GTF2IRD1: variants seen among roughly 807,000 people sequenced by gnomAD.
GTF2IRD1 encodes general transcription factor II-I repeat domain-containing protein 1.
GTF2IRD1 carries 26 observed loss-of-function variants against 113.2 expected under a neutral mutation model. The observed-to-expected ratio is 0.23, with a 90% CI of 0.17 to 0.32. GTF2IRD1 has a LOEUF of 0.32. Ranked by LOEUF, GTF2IRD1 falls within the 10% of genes least tolerant of loss-of-function variation. The pLI, the probability that GTF2IRD1 is intolerant of heterozygous loss-of-function variation, is 1.00. For missense variants in GTF2IRD1, 864 were observed against 1,280.8 expected (o/e 0.67, Z 4.97); for synonymous variants, 484 against 529.1 (o/e 0.91, Z 1.17).
intron 22 of GTF2IRD1, among the ~76,000 whole-genome samples, chr7:74,587,308 T>C (rs1262558126): frequency 2.0e-5 from 3 of 151,714 alleles, no homozygotes; most frequent in Non-Finnish European, 2.9e-5. Context: ...AACCGGACGT[T>C]GTGGCAGGCG....
intron 1 of GTF2IRD1, among the ~76,000 whole-genome samples, chr7:74,480,766 C>T (rs1027617181): frequency 1.4e-4 from 22 of 152,220 alleles, no homozygotes; most frequent in Non-Finnish European, 1.5e-5. Flanking sequence ...CCCTCCGTGC[C>T]CGCCCCGGGG....
chr7:74,542,551 C>G (rs587605464), intron 14 of GTF2IRD1, among the ~76,000 whole-genome samples: 1 of 152,296 alleles, frequency 6.6e-6, no homozygotes, highest in South Asian at 2.1e-4. Context: ...CAGTGTTAGG[C>G]AAAATGATTT....
At chr7:74,559,598 T>A (rs782352668) in intron 21 of GTF2IRD1, 29 bp from the exon 22 acceptor site, 4 of 1,578,074 alleles carry the variant, frequency 2.5e-6, no homozygotes, top group Non-Finnish European at 3.4e-6. Flanking sequence ...GCCCTCCCCA[T>A]GACACCCCTG....
intron 26 of GTF2IRD1, chr7:74,601,734 G>T (rs906948581): frequency 9.3e-6 from 2 of 215,798 alleles, no homozygotes; most frequent in South Asian, 1.8e-4. Flanking sequence ...ATGAGCCGAG[G>T]TCGCGCCATT....
chr7:74,544,605 T>C, intron 14 of GTF2IRD1, 150 bp from the exon 15 acceptor site: 1 of 659,484 alleles, frequency 1.5e-6, no homozygotes, highest in South Asian at 1.9e-5. Context: ...CTGTATGGAA[T>C]CGGGGTCCCT....
intron 26 of GTF2IRD1, 84 bp downstream of exon 26, chr7:74,601,264 T>C (rs1474532708): frequency 5.8e-6 from 9 of 1,550,824 alleles, no homozygotes; most frequent in Non-Finnish European, 5.2e-6. Context: ...CTCTGGGATG[T>C]GGGCCCAGGG....
rs150194330 is a variant in GTF2IRD1 at position 74,519,739 on chromosome 7, C to G, written c.916+20C>G. 2.0e-3 allele frequency: 3,120 copies of G among 1,525,498 alleles called. 64 individuals carry two copies. In the African/African-American group the frequency reaches 0.037, roughly 18 times the overall value. The allele number at this position is 1,525,498 out of a possible 1,614,324, so 94.5% of individuals were successfully genotyped here. A position where few individuals can be genotyped will look rare whatever the true frequency, so the allele number is the denominator to read the frequency against. The stretch of plus-strand genomic sequence containing the variant: ...GTTGTGGTAACATTGCTGCTGGGAT[C>G]TCCAAGTCTAGGGGGTGGGACAGAG... On this transcript the variant is annotated intron_variant, in intron 6 of 26. Coordinates refer to ENST00000424337, the MANE Select transcript of GTF2IRD1 (RefSeq NM_005685.4).
intron 1 of GTF2IRD1, among the ~76,000 whole-genome samples, chr7:74,474,059 A>G (rs1794259853): frequency 7.3e-6 from 1 of 136,246 alleles, no homozygotes; most frequent in African/African-American, 2.6e-5. Flanking sequence ...CCCCATCTCT[A>G]CTAAAAATAC....
At chr7:74,481,616 G>T (rs1554334658) in intron 1 of GTF2IRD1, among the ~76,000 whole-genome samples, 1 of 152,194 alleles carries the variant, frequency 6.6e-6, no homozygotes, top group African/African-American at 2.4e-5. Context: ...TGCATCCCGG[G>T]CTGCACTGTG....
chr7:74,582,595 G>T (rs1285025838), intron 22 of GTF2IRD1, among the ~76,000 whole-genome samples: 1 of 152,144 alleles, frequency 6.6e-6, no homozygotes, highest in Non-Finnish European at 1.5e-5. Context: ...AGATCCAGCA[G>T]GCCCAGAGTC....
At chr7:74,469,597 G>A (rs1456634459) in intron 1 of GTF2IRD1, among the ~76,000 whole-genome samples, 3 of 152,174 alleles carry the variant, frequency 2.0e-5, no homozygotes, top group Admixed American at 6.6e-5. Flanking sequence ...ACATTGTAGC[G>A]TGAGTCAATG....
At position 74,496,460 on chromosome 7, in the gene GTF2IRD1, T is replaced by C. The variant is rs553552252; in HGVS notation, c.-6-11615T>C. Among the ~76,000 whole-genome samples, 1,112 of 139,430 alleles carry C rather than the reference T, an allele frequency of 8.0e-3. 12 individuals are homozygous for C. Among genetic ancestry groups the C allele is most frequent in the Middle Eastern group, 0.031 (8 of 262 alleles). The allele number at this position is 139,430 out of a possible 152,430, so 91.5% of individuals were successfully genotyped here. The stretch of plus-strand genomic sequence containing the variant: ...GTATGCATTTGAGTGTGGGTGTGCA[T>C]GTGTGTTCATGTGGGTGTGCACGTA... On this transcript the variant is annotated intron_variant, in intron 1 of 26. Transcript: ENST00000424337.
At chr7:74,506,581 G>C (rs782276549) in intron 1 of GTF2IRD1, 1 of 152,216 alleles carries the variant, frequency 6.6e-6, no homozygotes, top group Non-Finnish European at 1.5e-5. Flanking sequence ...AGAGAGCACC[G>C]GGACTGAGCC....
At position 74,555,198 on chromosome 7, in the gene GTF2IRD1, C is replaced by G; in HGVS notation, c.1941C>G (p.Val647=). 1 of 1,613,674 alleles carries G rather than the reference C, an allele frequency of 6.2e-7. No homozygotes were observed. The highest frequency in any genetic ancestry group is 8.5e-7 in the Non-Finnish European group (1 of 1,179,930). ...GGCCCGAGCTGCTCACTGAGGGAGTCAAAGAGCCCATCATGGATAGTCAAG... is the reference window on the plus strand; with the variant it reads ...GGCCCGAGCTGCTCACTGAGGGAGTGAAAGAGCCCATCATGGATAGTCAAG... ...IKRPELLTEG[V]KEPIMDSQER... is the part of the protein sequence containing the mutation. Residue 647 remains valine, a synonymous_variant, in exon 18 of 27, where the codon GTC becomes GTG. Transcript: ENST00000424337. The surrounding 1 kb of genome is among the most constrained non-coding windows in gnomAD (Gnocchi z 5.3).
chr7:74,505,304 C>T (rs1234798125), intron 1 of GTF2IRD1, among the ~76,000 whole-genome samples: 1 of 152,246 alleles, frequency 6.6e-6, no homozygotes, highest in African/African-American at 2.4e-5. Context: ...TCCCCCGCTT[C>T]TCCTGCTGCA....
At chr7:74,528,981 G>GGATA (rs1797799750) in intron 8 of GTF2IRD1, among the ~76,000 whole-genome samples, 1 of 149,712 alleles carries the variant, frequency 6.7e-6, no homozygotes, top group Non-Finnish European at 1.5e-5. Flanking sequence ...ATGGATGGAT[G>GGATA]GATGGATAGA....
intron 1 of GTF2IRD1, among the ~76,000 whole-genome samples, chr7:74,472,537 G>A (rs190180188): frequency 4.5e-4 from 68 of 152,178 alleles, no homozygotes; most frequent in South Asian, 8.3e-4. Flanking sequence ...ACTTGAGGTC[G>A]GGAGTTCGAG....
At chr7:74,537,815 A>AC (rs1177324654) in intron 11 of GTF2IRD1, among the ~76,000 whole-genome samples, 4 of 152,048 alleles carry the variant, frequency 2.6e-5, no homozygotes, top group Non-Finnish European at 5.9e-5. Flanking sequence ...CAGTGATCAA[A>AC]CCCCCAGTGT....
intron 9 of GTF2IRD1, among the ~76,000 whole-genome samples, chr7:74,532,380 C>A (rs1219443993): frequency 6.6e-6 from 1 of 151,898 alleles, no homozygotes; most frequent in Non-Finnish European, 1.5e-5. Context: ...ATAGTGAGAC[C>A]CTATTTCTAC....
Sources: allele counts gnomAD v4.1 joint callset (sites outside exome capture counted in the v4.1 genomes callset), GRCh38; gene constraint gnomAD v4.1.1; non-coding constraint Gnocchi (gnomAD v3.1); transcripts MANE v1.5; gene names NCBI Gene and HGNC (gene_info 2026-07-23, HGNC 2026-07-21).